The following FOXP1 variants were observed in gnomAD, a reference collection of about 807,000 sequenced individuals.
FOXP1 encodes forkhead box protein P1.
A neutral mutation model predicts 98.2 loss-of-function variants in FOXP1; 15 were observed. That is an observed-to-expected ratio of 0.15 (90% CI 0.10 to 0.24). The LOEUF is 0.24. Among genes scored for constraint, FOXP1 ranks in the 10% least tolerant of loss-of-function variants. The probability of loss-of-function intolerance (pLI) is 1.00; values close to 1 mark genes in which losing one functional copy is unlikely to be tolerated. For missense variants in FOXP1, 633 were observed against 848.5 expected (o/e 0.75, Z 3.15); for synonymous variants, 371 against 314.5 (o/e 1.18, Z -1.90).
chr3:70,980,293 T>G (rs1264081825), intron 14 of FOXP1, among the ~76,000 whole-genome samples: 2 of 152,144 alleles, frequency 1.3e-5, no homozygotes, highest in Non-Finnish European at 2.9e-5. Flanking sequence ...GTCAAGGAAA[T>G]TAGTGCATGA....
chr3:71,314,383 C>T (rs2074922456), intron 4 of FOXP1, among the ~76,000 whole-genome samples: 1 of 152,024 alleles, frequency 6.6e-6, no homozygotes, highest in African/African-American at 2.4e-5. Context: ...CAAAAATTAG[C>T]TGGGTGTGGT....
intron 3 of FOXP1, among the ~76,000 whole-genome samples, chr3:71,426,653 G>A (rs759304140): frequency 6.6e-6 from 1 of 152,146 alleles, no homozygotes; most frequent in Non-Finnish European, 1.5e-5. Context: ...TGCCTAAAAG[G>A]CTCTTTCTCA....
rs75045691 is a variant in FOXP1, at chr3:71,165,682, G to A, written c.180+32520C>T. On this transcript the variant is annotated intron_variant, in intron 6 of 20. Coordinates refer to ENST00000649528, the MANE Select transcript of FOXP1 (RefSeq NM_001349338.3). ...GCAAACTAGGAGGGGGACAGGTGTC[G>A]ATTTAAGCCAAACAAAACAAAAAAA... Among the ~76,000 whole-genome samples the A allele has an allele frequency of 1.7e-3, 266 of 152,132 alleles. 9 individuals are homozygous for A. The East Asian group carries it at 0.044, about 25-fold the overall frequency.
chr3:71,032,596 C>G (rs898749646), intron 11 of FOXP1, among the ~76,000 whole-genome samples: 2 of 152,208 alleles, frequency 1.3e-5, no homozygotes, highest in Non-Finnish European at 2.9e-5. Flanking sequence ...ATCTAACGCA[C>G]TCATTTGCAT....
chr3:71,571,805 A>C (rs936240709), intron 2 of FOXP1: 1 of 152,246 alleles, frequency 6.6e-6, no homozygotes, highest in African/African-American at 2.4e-5. Context: ...TTCCCCGATT[A>C]TACCACTGAT....
intron 4 of FOXP1, 44 bp from the exon 5 acceptor site, chr3:71,299,924 T>G (rs956607606): frequency 6.6e-6 from 1 of 152,638 alleles, no homozygotes; most frequent in Non-Finnish European, 1.5e-5. Context: ...TCAAGAGAAG[T>G]AGCAACCACC....
chr3:71,248,392 C>T (rs142156986), intron 5 of FOXP1, among the ~76,000 whole-genome samples: 96 of 152,200 alleles, frequency 6.3e-4, no homozygotes, highest in African/African-American at 2.3e-3. Context: ...GAAGTCAGGA[C>T]CCACAGTCAG....
chr3:71,277,318 T>C (rs1389367921), intron 5 of FOXP1, among the ~76,000 whole-genome samples: 1 of 151,892 alleles, frequency 6.6e-6, no homozygotes, highest in Non-Finnish European at 1.5e-5. Context: ...GGTGTTTAAC[T>C]TTCTCTTCCT....
intron 6 of FOXP1, among the ~76,000 whole-genome samples, chr3:71,175,266 A>G (rs116508059): frequency 0.017 from 2,659 of 152,264 alleles, 75 homozygotes; most frequent in African/African-American, 0.06. Context: ...ACCCAGAAAC[A>G]TGCATGTACT....
At position 71,180,163 on chromosome 3, in the gene FOXP1, TA is replaced by T. The variant is rs373117277; in HGVS notation, c.180+18038del. 7.8e-3 allele frequency among the ~76,000 whole-genome samples: 1,166 copies of T among 149,142 alleles called. 15 individuals are homozygous for T. Among genetic ancestry groups the T allele is most frequent in the African/African-American group, 0.027 (1,102 of 40,694 alleles). The stretch of plus-strand genomic sequence containing the variant: ...CGGAAGACCTTCTAAAGTTCTTGCT[TA>T]AAAAAAAAACCCACCTTTTTGTTTT... On this transcript the variant is annotated intron_variant, in intron 6 of 20. Coordinates refer to ENST00000649528, the MANE Select transcript of FOXP1 (RefSeq NM_001349338.3).
chr3:71,381,719 T>G (rs746985361), intron 3 of FOXP1, among the ~76,000 whole-genome samples: 3 of 152,170 alleles, frequency 2.0e-5, no homozygotes, highest in Non-Finnish European at 4.4e-5. Context: ...GCGGGACTTA[T>G]AAGCATGGGC....
intron 4 of FOXP1, among the ~76,000 whole-genome samples, chr3:71,314,484 T>C (rs887445078): frequency 3.3e-5 from 5 of 150,944 alleles, no homozygotes; most frequent in African/African-American, 1.2e-4. Flanking sequence ...GCCGAGATAA[T>C]GACACTGCAC....
chr3:71,041,626 A>G, intron 10 of FOXP1, 94 bp from the exon 11 acceptor site: 1 of 1,257,082 alleles, frequency 8.0e-7, no homozygotes, highest in South Asian at 1.2e-5. Context: ...AACAAAGCCT[A>G]GTGTTAGGGG....
At chr3:71,100,154 C>T (rs2056830616) in intron 7 of FOXP1, among the ~76,000 whole-genome samples, 1 of 152,180 alleles carries the variant, frequency 6.6e-6, no homozygotes, top group African/African-American at 2.4e-5. Context: ...CCATGGCAGA[C>T]ATACCTAATC....
At chr3:71,487,806 A>G (rs577743340) in intron 3 of FOXP1, among the ~76,000 whole-genome samples, 5 of 152,374 alleles carry the variant, frequency 3.3e-5, no homozygotes, top group African/African-American at 7.2e-5. Context: ...AGGGGCTTAG[A>G]GAGGAATGGA....
chr3:71,277,322 T>C (rs986731166), intron 5 of FOXP1, among the ~76,000 whole-genome samples: 4 of 151,818 alleles, frequency 2.6e-5, no homozygotes, highest in African/African-American at 4.8e-5. Flanking sequence ...TTTAACTTTC[T>C]CTTCCTGGCT....
intron 2 of FOXP1, chr3:71,570,207 G>A (rs2047228118): frequency 6.6e-6 from 1 of 151,782 alleles, no homozygotes; most frequent in Non-Finnish European, 1.5e-5. Flanking sequence ...TCCTCATTAT[G>A]ACAGGAAGCT....
At chr3:71,134,245 C>T (rs1050673238) in intron 6 of FOXP1, among the ~76,000 whole-genome samples, 1 of 152,226 alleles carries the variant, frequency 6.6e-6, no homozygotes, top group Non-Finnish European at 1.5e-5. Flanking sequence ...AAAACGGTGG[C>T]TATTCTCCTT....
At chr3:71,201,143 T>C (rs1298606913) in intron 5 of FOXP1, among the ~76,000 whole-genome samples, 1 of 152,206 alleles carries the variant, frequency 6.6e-6, no homozygotes, top group Non-Finnish European at 1.5e-5. Flanking sequence ...CCTTTAGAAA[T>C]TGCAGTTATA....
Sources: gnomAD v4.1 joint callset for allele counts (sites outside exome capture counted in the v4.1 genomes callset) on GRCh38, gnomAD v4.1.1 for gene constraint, MANE v1.5 for transcripts, NCBI Gene and HGNC (gene_info 2026-07-23, HGNC 2026-07-21) for gene names.